Variants in NRG3 observed in about 807,000 individuals in gnomAD.
The protein encoded by NRG3 is neuregulin 3.
Under a neutral mutation model 66.9 loss-of-function variants are expected in NRG3, and 31 were observed. That is an observed-to-expected ratio of 0.46 (90% CI 0.35 to 0.63). The LOEUF is 0.63. Among genes scored for constraint, NRG3 ranks in the 20% least tolerant of loss-of-function variants. The pLI is 0.00. For missense variants in NRG3, 910 were observed against 878.9 expected, an observed-to-expected ratio of 1.04 and a Z score of -0.45; for synonymous variants, 393 against 359.4, an observed-to-expected ratio of 1.09 and a Z score of -1.06.
At chr10:82,579,009 T>A (rs2133194204) in intron 2 of NRG3, among the ~76,000 whole-genome samples, 1 of 152,016 alleles carries the variant, frequency 6.6e-6, no homozygotes, top group African/African-American at 2.4e-5. Flanking sequence ...TGGTGGATGC[T>A]TTGAGATTTG....
At chr10:82,023,939 T>G (rs2062176187) in intron 1 of NRG3, among the ~76,000 whole-genome samples, 1 of 152,078 alleles carries the variant, frequency 6.6e-6, no homozygotes, top group South Asian at 2.1e-4. Context: ...TGCTTCTTCT[T>G]TAAATGTTTT....
chr10:82,426,597 A>AATTATT lies in NRG3; in HGVS notation c.953+67775_953+67780dup, dbSNP rs142603787. Reference sequence around the variant, plus strand: ...ACTGAAAGTTGAAAGTCCTCAATGGAATTATTATTATTATTATTATTATTA... The same window carrying AATTATT: ...ACTGAAAGTTGAAAGTCCTCAATGGAATTATTATTATTATTATTATTATTATTATTA... On this transcript the variant is annotated intron_variant, in intron 2 of 8. Coordinates refer to ENST00000372141, the MANE Select transcript of NRG3 (RefSeq NM_001010848.4). Among the ~76,000 whole-genome samples the AATTATT allele has an allele frequency of 1.3e-3, 175 of 132,588 alleles. 1 individual carries two copies. Among genetic ancestry groups the AATTATT allele is most frequent in the East Asian group, 4.2e-3 (19 of 4,488 alleles). 87.0% of individuals were successfully genotyped at this position (132,588 alleles called of 152,430 possible).
chr10:82,629,208 A>T (rs770007809), intron 2 of NRG3, among the ~76,000 whole-genome samples: 44 of 152,164 alleles, frequency 2.9e-4, no homozygotes, highest in South Asian at 2.1e-4. Flanking sequence ...ATAAACCTGT[A>T]AAATTGCTTC....
At chr10:81,970,927 A>G (rs2059910341) in intron 1 of NRG3, among the ~76,000 whole-genome samples, 1 of 152,146 alleles carries the variant, frequency 6.6e-6, no homozygotes, top group Non-Finnish European at 1.5e-5. Context: ...ATTGCCTGAT[A>G]TCAGGAGTTC....
At position 82,985,715 on chromosome 10, in the gene NRG3, C is replaced by A; in HGVS notation, c.*110C>A. The A allele has an allele frequency of 8.5e-7, 1 of 1,183,214 alleles. No homozygotes were observed. The highest frequency in any genetic ancestry group is 1.2e-6 in the Non-Finnish European group (1 of 846,188). The allele number at this position is 1,183,214 out of a possible 1,614,324, so 73.3% of individuals were successfully genotyped here. A position where few individuals can be genotyped will look rare whatever the true frequency, so the allele number is the denominator to read the frequency against. On this transcript the variant is annotated 3_prime_UTR_variant, in exon 9 of 9. Transcript: ENST00000372141. ...TTTAAGAGCATCTACTTAGAAGAAA[C>A]CAAATAGTCTATCGCCCTCATATCA...
At chr10:82,836,335 A>G (rs2062774501) in intron 3 of NRG3, among the ~76,000 whole-genome samples, 1 of 152,216 alleles carries the variant, frequency 6.6e-6, no homozygotes, top group African/African-American at 2.4e-5. Context: ...AGGAAAGAAT[A>G]GCAACTGATA....
chr10:82,107,555 C>T (rs533841752), intron 1 of NRG3, among the ~76,000 whole-genome samples: 19 of 152,190 alleles, frequency 1.2e-4, no homozygotes, highest in African/African-American at 4.1e-4. Flanking sequence ...AATTAATTTT[C>T]CCAATATATA....
At chr10:82,975,517 CT>C (rs1281452407) in intron 7 of NRG3, among the ~76,000 whole-genome samples, 20 of 152,130 alleles carry the variant, frequency 1.3e-4, no homozygotes, top group Admixed American at 1.1e-3. Context: ...TTTAAGAGAC[CT>C]TCCTTTTTGT....
At chr10:82,984,808 C>T in intron 8 of NRG3, 1 of 1,550,848 alleles carries the variant, frequency 6.4e-7, no homozygotes, top group Non-Finnish European at 8.7e-7. Context: ...GACTATATCC[C>T]ACCTGCCTAT....
intron 1 of NRG3, among the ~76,000 whole-genome samples, chr10:81,962,299 A>G (rs929410673): frequency 2.6e-5 from 4 of 152,238 alleles, no homozygotes; most frequent in African/African-American, 9.6e-5. Context: ...TGGGCCTGCC[A>G]GTAGAAGCCA....
chr10:82,190,792 G>A (rs1049036968), intron 1 of NRG3, among the ~76,000 whole-genome samples: 1 of 152,130 alleles, frequency 6.6e-6, no homozygotes, highest in Admixed American at 6.5e-5. Context: ...GTTACTCAAG[G>A]ACAGTATCTA....
At chr10:82,265,038 AGGTGAGAATGAGG>A (rs2078224616) in intron 1 of NRG3, among the ~76,000 whole-genome samples, 1 of 152,176 alleles carries the variant, frequency 6.6e-6, no homozygotes, top group African/African-American at 2.4e-5. Context: ...CAAGTTAACT[AGGTGAGAATGAGG>A]GGTGTGTGTG....
At chr10:81,993,613 G>GT (rs2060825167) in intron 1 of NRG3, among the ~76,000 whole-genome samples, 3 of 152,050 alleles carry the variant, frequency 2.0e-5, no homozygotes, top group African/African-American at 4.8e-5. Context: ...TCACAAAGAG[G>GT]TGGAATTACA....
rs575988410 is a variant in NRG3, at chr10:82,064,424, T to C, written c.823+188261T>C. 2.0e-5 allele frequency among the ~76,000 whole-genome samples: 3 copies of C among 152,148 alleles called. No homozygotes were observed. In the East Asian group the frequency reaches 5.8e-4, roughly 29 times the overall value. On this transcript the variant is annotated intron_variant, in intron 1 of 8. Transcript: ENST00000372141. ...TAAAAATCCCATTCACTAATCATTATTGAATACACATTTTAAATAATCATT... is the reference window on the plus strand; with the variant it reads ...TAAAAATCCCATTCACTAATCATTACTGAATACACATTTTAAATAATCATT...
At chr10:82,917,350 A>T (rs1029992246) in intron 4 of NRG3, among the ~76,000 whole-genome samples, 6 of 152,182 alleles carry the variant, frequency 3.9e-5, no homozygotes, top group Admixed American at 2.0e-4. Flanking sequence ...GGCTATGAAA[A>T]AGCCTTCACA....
chr10:81,973,740 C>CT (rs1171449305), intron 1 of NRG3, among the ~76,000 whole-genome samples: 1 of 152,016 alleles, frequency 6.6e-6, no homozygotes, highest in African/African-American at 2.4e-5. Context: ...CCTTTGCCCA[C>CT]TTTTTTTATG....
chr10:82,529,032 G>T (rs1175744794), intron 2 of NRG3, among the ~76,000 whole-genome samples: 1 of 152,148 alleles, frequency 6.6e-6, no homozygotes, highest in Non-Finnish European at 1.5e-5. Flanking sequence ...GGTAGACTGC[G>T]ACTTTGACTT....
At chr10:82,537,261 C>T (rs1376553108) in intron 2 of NRG3, among the ~76,000 whole-genome samples, 1 of 152,064 alleles carries the variant, frequency 6.6e-6, no homozygotes, top group Non-Finnish European at 1.5e-5. Context: ...CAAATGGTAA[C>T]ATTTAAATTA....
chr10:82,334,005 G>C (rs1244691813), intron 1 of NRG3, among the ~76,000 whole-genome samples: 1 of 151,912 alleles, frequency 6.6e-6, no homozygotes, highest in Non-Finnish European at 1.5e-5. Context: ...GTGAAACCCC[G>C]TCTCTACTAA....
Sources: allele counts gnomAD v4.1 joint callset (sites outside exome capture counted in the v4.1 genomes callset), GRCh38; gene constraint gnomAD v4.1.1; transcripts MANE v1.5; gene names NCBI Gene and HGNC (gene_info 2026-07-23, HGNC 2026-07-21).